The following H4C9 variants were observed in gnomAD, a reference collection of about 807,000 sequenced individuals.
H4C9 encodes the protein histone H4.
A neutral mutation model predicts 4.3 loss-of-function variants in H4C9; 3 were observed. The ratio of observed to expected loss-of-function variants is 0.70; its 90% CI spans 0.32 to 1.82. The LOEUF (loss-of-function observed/expected upper bound fraction) is 1.82. Among genes scored for constraint, H4C9 ranks in the 40% most tolerant of loss-of-function variants. The probability of loss-of-function intolerance (pLI) is 0.08; values close to 1 mark genes in which losing one functional copy is unlikely to be tolerated. For missense variants in H4C9, 166 were observed against 158.3 expected, an observed-to-expected ratio of 1.05 and a Z score of -0.26; for synonymous variants, 83 against 64.8, an observed-to-expected ratio of 1.28 and a Z score of -1.35.
Position 27,139,282 on chromosome 6 carries a change from A to G in H4C9, c.-27A>G, listed in dbSNP as rs970230173. ...AAAGAAAGCTGCCATCACAGGCAGC[A>G]GACCTTTGTTCTCTGACCACTTGAT... is the stretch of plus-strand genomic sequence containing the variant. On this transcript the variant is annotated 5_prime_UTR_variant, in exon 1 of 1. Coordinates refer to ENST00000615353, the MANE Select transcript of H4C9 (RefSeq NM_003495.3). The G allele has an allele frequency of 6.4e-7, 1 of 1,567,944 alleles. No individual in the cohort carries two copies. Among genetic ancestry groups the G allele is most frequent in the Non-Finnish European group, 8.7e-7 (1 of 1,155,604 alleles).
At position 27,139,550 on chromosome 6, in the gene H4C9, C is replaced by T. The variant is rs776948616; in HGVS notation, c.242C>T (p.Thr81Met). 3.7e-6 allele frequency: 6 copies of T among 1,614,114 alleles called. No individual in the cohort carries two copies. Among genetic ancestry groups the T allele is most frequent in the Non-Finnish European group, 5.1e-6 (6 of 1,179,996 alleles). Residue 81 changes from threonine to methionine, a missense_variant, in exon 1 of 1, where the codon ACG (threonine) becomes ATG (methionine). Transcript: ENST00000615353. Reference protein sequence around the residue: ...VTYTEHAKRKTVTAMDVVYAL... With the variant: ...VTYTEHAKRKMVTAMDVVYAL... The stretch of plus-strand genomic sequence containing the variant: ...TACACGGAGCACGCCAAGCGCAAGA[C>T]GGTCACCGCCATGGACGTGGTCTAC...
Position 27,139,527 on chromosome 6 carries a change from C to CA in H4C9, c.220dup (p.Thr74AsnfsTer?). Reference sequence around the variant, plus strand: ...ACGTGATCCGGGACGCCGTGACCTACACGGAGCACGCCAAGCGCAAGACGG... The same window carrying CA: ...ACGTGATCCGGGACGCCGTGACCTACAACGGAGCACGCCAAGCGCAAGACGG... On this transcript the variant is annotated frameshift_variant, in exon 1 of 1. Transcript: ENST00000615353. LOFTEE classifies it high-confidence loss of function. The CA allele has an allele frequency of 1.2e-6, 2 of 1,614,200 alleles. No homozygotes were observed. The highest frequency in any genetic ancestry group is 1.7e-6 in the Non-Finnish European group (2 of 1,180,032).
At position 27,139,674 on chromosome 6, in the gene H4C9, AG is replaced by A; in HGVS notation, c.*55del. ...AAAAAGGCCCTTTTTAGGGCCCCTA[AG>A]CTTTCAACAAAAGAGTTGAAATGAC... On this transcript the variant is annotated 3_prime_UTR_variant, in exon 1 of 1. Transcript: ENST00000615353. 1 of 1,539,206 alleles carries A rather than the reference AG, an allele frequency of 6.5e-7. No homozygotes were observed. The highest frequency in any genetic ancestry group is 2.3e-5 in the East Asian group (1 of 44,440).
chr6:27,139,520 T>G lies in H4C9; in HGVS notation c.212T>G (p.Val71Gly), dbSNP rs1265890872. The change falls in exon 1 of 1, where the codon GTG (valine) becomes GGG (glycine). Residue 71 changes from valine (V) to glycine (G), a missense_variant. Transcript: ENST00000615353. ...CTGGAGAACGTGATCCGGGACGCCG[T>G]GACCTACACGGAGCACGCCAAGCGC... ...VFLENVIRDA[V>G]TYTEHAKRKT... The G allele has an allele frequency of 6.2e-7, 1 of 1,605,296 alleles. No individual in the cohort carries two copies. The highest frequency in any genetic ancestry group is 8.5e-7 in the Non-Finnish European group (1 of 1,175,946).
Position 27,139,367 on chromosome 6 carries a change from G to T in H4C9, c.59G>T (p.Arg20Leu), listed in dbSNP as rs761180213. Residue 20 changes from arginine (R) to leucine (L), a missense_variant, in exon 1 of 1, where the codon CGC becomes CTC. Arg to Leu is a moderately radical substitution (Grantham distance 102). Transcript: ENST00000615353. ...GLGKGGAKRH[R>L]KVLRDNIQGI... ...GGGAAAGGGGGTGCCAAGCGCCACC[G>T]CAAGGTGCTGCGCGACAACATCCAG... The T allele has an allele frequency of 4.3e-6, 7 of 1,614,164 alleles. No individual in the cohort carries two copies. Among genetic ancestry groups the T allele is most frequent in the Non-Finnish European group, 5.9e-6 (7 of 1,180,016 alleles).
rs756622079 is a variant in H4C9 at position 27,139,631 on chromosome 6, G to A, written c.*11G>A. ...GGCTTCGGCGGCTAAATGGCATTTT[G>A]AAGCCCAGTCATTCTCTAAAAAGGC... is the stretch of plus-strand genomic sequence containing the variant. On this transcript the variant is annotated 3_prime_UTR_variant, in exon 1 of 1. Coordinates refer to ENST00000615353, the MANE Select transcript of H4C9 (RefSeq NM_003495.3). 1.2e-6 allele frequency: 2 copies of A among 1,600,998 alleles called. No individual in the cohort carries two copies. Among genetic ancestry groups the A allele is most frequent in the African/African-American group, 2.7e-5 (2 of 74,590 alleles).
chr6:27,139,669 C>A lies in H4C9; in HGVS notation c.*49C>A. ...TCTCTAAAAAGGCCCTTTTTAGGGC[C>A]CCTAAGCTTTCAACAAAAGAGTTGA... On this transcript the variant is annotated 3_prime_UTR_variant, in exon 1 of 1. Transcript: ENST00000615353. The A allele has an allele frequency of 6.5e-7, 1 of 1,542,482 alleles. No homozygotes were observed.
Position 27,139,375 on chromosome 6 carries a change from C to T in H4C9, c.67C>T (p.Leu23=), listed in dbSNP as rs760643847. 131 of 1,614,088 alleles carry T rather than the reference C, an allele frequency of 8.1e-5. No homozygotes were observed. The highest frequency in any genetic ancestry group is 1.8e-4 in the Admixed American group (11 of 60,008). Reference sequence around the variant, plus strand: ...GGGTGCCAAGCGCCACCGCAAGGTGCTGCGCGACAACATCCAGGGTATCAC... The same window carrying T: ...GGGTGCCAAGCGCCACCGCAAGGTGTTGCGCGACAACATCCAGGGTATCAC... ...KGGAKRHRKV[L]RDNIQGITKP... The change falls in exon 1 of 1, where the codon CTG becomes TTG. Residue 23 remains leucine (L), a synonymous_variant. Coordinates refer to ENST00000615353, the MANE Select transcript of H4C9 (RefSeq NM_003495.3).
Position 27,139,657 on chromosome 6 carries a change from C to T in H4C9, c.*37C>T, listed in dbSNP as rs756961772. 7.0e-6 allele frequency: 11 copies of T among 1,570,618 alleles called. No homozygotes were observed. The highest frequency in any genetic ancestry group is 4.5e-5 in the East Asian group (2 of 44,662). On this transcript the variant is annotated 3_prime_UTR_variant, in exon 1 of 1. Coordinates refer to ENST00000615353, the MANE Select transcript of H4C9 (RefSeq NM_003495.3). Reference sequence around the variant, plus strand: ...AAGCCCAGTCATTCTCTAAAAAGGCCCTTTTTAGGGCCCCTAAGCTTTCAA... The same window carrying T: ...AAGCCCAGTCATTCTCTAAAAAGGCTCTTTTTAGGGCCCCTAAGCTTTCAA...
rs775457642 is a variant in H4C9 at position 27,139,671 on chromosome 6, C to G, written c.*51C>G. 6.5e-7 allele frequency: 1 copy of G among 1,542,724 alleles called. No individual in the cohort carries two copies. Among genetic ancestry groups the G allele is most frequent in the Non-Finnish European group, 8.7e-7 (1 of 1,149,518 alleles). On this transcript the variant is annotated 3_prime_UTR_variant, in exon 1 of 1. Coordinates refer to ENST00000615353, the MANE Select transcript of H4C9 (RefSeq NM_003495.3). ...TCTAAAAAGGCCCTTTTTAGGGCCC[C>G]TAAGCTTTCAACAAAAGAGTTGAAA...
rs761496441 is a variant in H4C9, at chr6:27,139,429, C to T, written c.121C>T (p.Arg41Cys). 6.2e-7 allele frequency: 1 copy of T among 1,614,234 alleles called. No homozygotes were observed. Among genetic ancestry groups the T allele is most frequent in the Admixed American group, 1.7e-5 (1 of 60,032 alleles). ...GCCAGCCATTCGGCGCCTTGCTCGC[C>T]GCGGCGGCGTGAAGCGCATTTCTGG... The part of the protein sequence containing the change: ...TKPAIRRLAR[R>C]GGVKRISGLI... Residue 41 changes from arginine (R) to cysteine (C), a missense_variant, in exon 1 of 1, where the codon CGC becomes TGC. Physicochemically the swap from Arg to Cys is radical, Grantham distance 180. Transcript: ENST00000615353.
chr6:27,139,355 C>A lies in H4C9; in HGVS notation c.47C>A (p.Ala16Asp). ...KGGKGLGKGG[A>D]KRHRKVLRDN... ...GGTAAGGGCCTGGGGAAAGGGGGTGCCAAGCGCCACCGCAAGGTGCTGCGC... is the reference window on the plus strand; with the variant it reads ...GGTAAGGGCCTGGGGAAAGGGGGTGACAAGCGCCACCGCAAGGTGCTGCGC... The change falls in exon 1 of 1, where the codon GCC becomes GAC. Residue 16 changes from alanine to aspartate, a missense_variant. Ala to Asp is a moderately radical substitution (Grantham distance 126). Coordinates refer to ENST00000615353, the MANE Select transcript of H4C9 (RefSeq NM_003495.3). The A allele has an allele frequency of 6.2e-7, 1 of 1,613,858 alleles. No individual in the cohort carries two copies. Among genetic ancestry groups the A allele is most frequent in the Non-Finnish European group, 8.5e-7 (1 of 1,179,826 alleles).
Position 27,139,653 on chromosome 6 carries a change from A to G in H4C9, c.*33A>G, listed in dbSNP as rs202114057. On this transcript the variant is annotated 3_prime_UTR_variant, in exon 1 of 1. Transcript: ENST00000615353. ...TTTGAAGCCCAGTCATTCTCTAAAA[A>G]GGCCCTTTTTAGGGCCCCTAAGCTT... is the stretch of plus-strand genomic sequence containing the variant. 1 of 1,575,484 alleles carries G rather than the reference A, an allele frequency of 6.3e-7. No homozygotes were observed. Among genetic ancestry groups the G allele is most frequent in the Non-Finnish European group, 8.6e-7 (1 of 1,162,738 alleles).
Position 27,139,404 on chromosome 6 carries a change from G to T in H4C9, c.96G>T (p.Lys32Asn). 1 of 1,614,234 alleles carries T rather than the reference G, an allele frequency of 6.2e-7. No homozygotes were observed. The highest frequency in any genetic ancestry group is 8.5e-7 in the Non-Finnish European group (1 of 1,180,044). Residue 32 changes from lysine (K) to asparagine (N), a missense_variant, in exon 1 of 1, where the codon AAG (lysine) becomes AAT (asparagine). Transcript: ENST00000615353. Reference protein sequence around the residue: ...VLRDNIQGITKPAIRRLARRG... With the variant: ...VLRDNIQGITNPAIRRLARRG... ...GCGACAACATCCAGGGTATCACCAAGCCAGCCATTCGGCGCCTTGCTCGCC... is the reference window on the plus strand; with the variant it reads ...GCGACAACATCCAGGGTATCACCAATCCAGCCATTCGGCGCCTTGCTCGCC...
Position 27,139,367 on chromosome 6 carries a change from G to C in H4C9, c.59G>C (p.Arg20Pro). ...GLGKGGAKRH[R>P]KVLRDNIQGI... ...GGGAAAGGGGGTGCCAAGCGCCACCGCAAGGTGCTGCGCGACAACATCCAG... is the reference window on the plus strand; with the variant it reads ...GGGAAAGGGGGTGCCAAGCGCCACCCCAAGGTGCTGCGCGACAACATCCAG... Residue 20 changes from arginine to proline, a missense_variant, in exon 1 of 1, where the codon CGC becomes CCC. Coordinates refer to ENST00000615353, the MANE Select transcript of H4C9 (RefSeq NM_003495.3). 1 of 1,614,164 alleles carries C rather than the reference G, an allele frequency of 6.2e-7. No homozygotes were observed. The highest frequency in any genetic ancestry group is 1.1e-5 in the South Asian group (1 of 91,070).
rs1484744237 is a variant in H4C9 at position 27,139,487 on chromosome 6, A to G, written c.179A>G (p.Lys60Arg). The G allele has an allele frequency of 6.2e-7, 1 of 1,614,158 alleles. No individual in the cohort carries two copies. Among genetic ancestry groups the G allele is most frequent in the Admixed American group, 1.7e-5 (1 of 60,030 alleles). ...TATGAGGAGACCCGCGGAGTGTTGA[A>G]GGTGTTCCTGGAGAACGTGATCCGG... ...LIYEETRGVLKVFLENVIRDA... is the reference protein window; with the variant it reads ...LIYEETRGVLRVFLENVIRDA... Residue 60 changes from lysine (K) to arginine (R), a missense_variant, in exon 1 of 1, where the codon AAG (lysine) becomes AGG (arginine). Physicochemically the swap from Lys to Arg is conservative, Grantham distance 26 (BLOSUM62 2). Coordinates refer to ENST00000615353, the MANE Select transcript of H4C9 (RefSeq NM_003495.3).
rs746265355 is a variant in H4C9, at chr6:27,139,490, T to C, written c.182T>C (p.Val61Ala). ...IYEETRGVLK[V>A]FLENVIRDAV... is the part of the protein sequence containing the mutation. ...GAGGAGACCCGCGGAGTGTTGAAGGTGTTCCTGGAGAACGTGATCCGGGAC... is the reference window on the plus strand; with the variant it reads ...GAGGAGACCCGCGGAGTGTTGAAGGCGTTCCTGGAGAACGTGATCCGGGAC... Residue 61 changes from valine to alanine, a missense_variant, in exon 1 of 1, where the codon GTG becomes GCG. Physicochemically the swap from Val to Ala is moderately conservative, Grantham distance 64. Transcript: ENST00000615353. 1.9e-6 allele frequency: 3 copies of C among 1,614,054 alleles called. No individual in the cohort carries two copies. Among genetic ancestry groups the C allele is most frequent in the South Asian group, 1.1e-5 (1 of 91,090 alleles).
chr6:27,139,567 G>T lies in H4C9; in HGVS notation c.259G>T (p.Val87Leu). 6.2e-7 allele frequency: 1 copy of T among 1,613,998 alleles called. No individual in the cohort carries two copies. Among genetic ancestry groups the T allele is most frequent in the Non-Finnish European group, 8.5e-7 (1 of 1,179,932 alleles). ...GCGCAAGACGGTCACCGCCATGGAC[G>T]TGGTCTACGCGCTCAAGCGCCAGGG... ...AKRKTVTAMDVVYALKRQGRT... is the reference protein window; with the variant it reads ...AKRKTVTAMDLVYALKRQGRT... The change falls in exon 1 of 1, where the codon GTG (valine) becomes TTG (leucine). Residue 87 changes from valine (V) to leucine (L), a missense_variant. Physicochemically the swap from Val to Leu is conservative, Grantham distance 32. Coordinates refer to ENST00000615353, the MANE Select transcript of H4C9 (RefSeq NM_003495.3).
chr6:27,139,498 G>C lies in H4C9; in HGVS notation c.190G>C (p.Glu64Gln). The C allele has an allele frequency of 6.2e-7, 1 of 1,612,328 alleles. No individual in the cohort carries two copies. The highest frequency in any genetic ancestry group is 8.5e-7 in the Non-Finnish European group (1 of 1,179,350). Residue 64 changes from glutamate (E) to glutamine (Q), a missense_variant, in exon 1 of 1, where the codon GAG (glutamate) becomes CAG (glutamine). Coordinates refer to ENST00000615353, the MANE Select transcript of H4C9 (RefSeq NM_003495.3). ...CCGCGGAGTGTTGAAGGTGTTCCTG[G>C]AGAACGTGATCCGGGACGCCGTGAC... ...ETRGVLKVFL[E>Q]NVIRDAVTYT...
Sources: gnomAD v4.1 joint callset for allele counts on GRCh38, gnomAD v4.1.1 for gene constraint, MANE v1.5 for transcripts, NCBI Gene and HGNC (gene_info 2026-07-23, HGNC 2026-07-21) for gene names.